The following TEX11 variants were observed in gnomAD, a reference collection of about 807,000 sequenced individuals.
TEX11 encodes the protein testis expressed 11, also known as testis-expressed protein 11.
A neutral mutation model predicts 84.4 loss-of-function variants in TEX11; 7 were observed. The observed-to-expected ratio is 0.08, with a 90% CI of 0.05 to 0.16. The LOEUF is 0.16. Among genes scored for constraint, TEX11 ranks in the 10% least tolerant of loss-of-function variants. The pLI is 1.00. For missense variants in TEX11, 551 were observed against 660.5 expected, an observed-to-expected ratio of 0.83 and a Z score of 1.82; for synonymous variants, 264 against 222.8, an observed-to-expected ratio of 1.18 and a Z score of -1.64.
At chrX:70,717,102 A>C (rs192268309) in intron 13 of TEX11, among the ~76,000 whole-genome samples, 28 of 110,952 alleles carry the variant, frequency 2.5e-4, no homozygotes. Flanking sequence ...ACTAGGATCT[A>C]ATAAGTATAT....
intron 17 of TEX11, among the ~76,000 whole-genome samples, chrX:70,635,352 C>G (rs1290796974): frequency 2.7e-5 from 3 of 112,262 alleles, no homozygotes; most frequent in Non-Finnish European, 5.6e-5. Flanking sequence ...TGGGCAGGCC[C>G]CCATGGCCCC....
At chrX:70,617,881 G>C (rs56118463) in intron 20 of TEX11, among the ~76,000 whole-genome samples, 13,492 of 111,463 alleles carry the variant, frequency 0.12, 670 homozygotes, top group Middle Eastern at 0.19. Flanking sequence ...TTTCCCCTAG[G>C]ACTGACTTTG....
chrX:70,800,929 A>G (rs758306419), intron 9 of TEX11, among the ~76,000 whole-genome samples: 2 of 111,266 alleles, frequency 1.8e-5, no homozygotes, highest in African/African-American at 6.5e-5. Flanking sequence ...CCCCCTTTCT[A>G]AGCAGCAAAT....
chrX:70,544,855 A>AAAC (rs1569317948), intron 28 of TEX11, among the ~76,000 whole-genome samples: 2 of 108,020 alleles, frequency 1.9e-5, no homozygotes, highest in Non-Finnish European at 1.9e-5. Flanking sequence ...AAAAAAAAAA[A>AAAC]AAACCCAAAA....
intron 17 of TEX11, among the ~76,000 whole-genome samples, chrX:70,645,894 AT>A (rs1461504358): frequency 9.0e-6 from 1 of 110,513 alleles, no homozygotes; most frequent in Non-Finnish European, 1.9e-5. Context: ...TTCCAGTGAC[AT>A]TTTTTCCCAG....
chrX:70,892,880 C>CAA (rs376618635), intron 2 of TEX11, among the ~76,000 whole-genome samples: 2 of 106,463 alleles, frequency 1.9e-5, no homozygotes, highest in African/African-American at 6.8e-5. Flanking sequence ...AAATGGAAAG[C>CAA]AAAAAAAAAG....
chrX:70,832,153 C>G (rs2091380517), intron 8 of TEX11, among the ~76,000 whole-genome samples: 1 of 111,346 alleles, frequency 9.0e-6, no homozygotes, highest in African/African-American at 3.3e-5. Context: ...GGTTTTCTGG[C>G]CTCAAATTCA....
chrX:70,521,052 T>G, the TEX11 span, among the ~76,000 whole-genome samples: 2 of 111,673 alleles, frequency 1.8e-5, no homozygotes, highest in African/African-American at 6.5e-5. Flanking sequence ...ACGGCTTCCC[T>G]TGGCTAGGAA....
At chrX:70,731,878 G>A (rs1317049832) in intron 11 of TEX11, among the ~76,000 whole-genome samples, 1 of 111,509 alleles carries the variant, frequency 9.0e-6, no homozygotes, top group African/African-American at 3.3e-5. Flanking sequence ...CAATATCCCT[G>A]ATGAACATTG....
At chrX:70,715,438 T>C (rs182785609) in intron 13 of TEX11, among the ~76,000 whole-genome samples, 6 of 112,120 alleles carry the variant, frequency 5.4e-5, no homozygotes, top group South Asian at 3.7e-4. Context: ...CAATCAGACG[T>C]AGATTTGGTC....
At chrX:70,801,625 TTTTCTTTCTTTCTTTC>T (rs200925505) in intron 9 of TEX11, among the ~76,000 whole-genome samples, 7,092 of 88,673 alleles carry the variant, frequency 0.08, 360 homozygotes, top group African/African-American at 0.16. Context: ...TTTTCTTTTA[TTTTCTTTCTTTCTTTC>T]TTTCTTTCTT....
intron 17 of TEX11, among the ~76,000 whole-genome samples, chrX:70,648,155 T>C (rs1213238968): frequency 9.0e-6 from 1 of 110,906 alleles, no homozygotes; most frequent in South Asian, 3.8e-4. Context: ...CAGCAAACTA[T>C]AGTAAGGACA....
intron 9 of TEX11, among the ~76,000 whole-genome samples, chrX:70,805,410 T>A (rs761889278): frequency 1.0e-4 from 11 of 108,620 alleles, no homozygotes; most frequent in African/African-American, 3.3e-4. Flanking sequence ...TTTTTTCTTT[T>A]TTTTTTTTTT....
chrX:70,644,273 C>T (rs1330224646), intron 17 of TEX11, among the ~76,000 whole-genome samples: 1 of 105,622 alleles, frequency 9.5e-6, no homozygotes, highest in Non-Finnish European at 2.0e-5. Flanking sequence ...CAGGAAACAA[C>T]AGGTGCTGGA....
chrX:70,712,052 T>C (rs1053246982), intron 13 of TEX11, among the ~76,000 whole-genome samples: 2 of 111,670 alleles, frequency 1.8e-5, no homozygotes, highest in Non-Finnish European at 3.8e-5. Flanking sequence ...TGGGAATCCT[T>C]TCCCCATTTC....
Position 70,907,760 on chromosome X carries a change from G to A in TEX11, c.30C>T (p.Asp10=), listed in dbSNP as rs1364145103. The A allele has an allele frequency of 2.0e-5, 24 of 1,185,422 alleles. No individual in the cohort carries two copies. Among genetic ancestry groups the A allele is most frequent in the Non-Finnish European group, 2.7e-5 (24 of 872,975 alleles). The change falls in exon 2 of 30, where the codon GAC becomes GAT. Residue 10 remains aspartate (D), a synonymous_variant. Transcript: ENST00000374333. The stretch of plus-strand genomic sequence containing the variant: ...CCACGTAGAGCTACGTACCTTTAAA[G>A]TCCATGGAAAAAAAATCATCATTGT... The part of the protein sequence containing the change: MDNDDFFSM[D]FKEVVENLVT...
chrX:70,550,639 T>C (rs2088200281), intron 28 of TEX11, among the ~76,000 whole-genome samples: 1 of 111,862 alleles, frequency 8.9e-6, no homozygotes, highest in Admixed American at 9.5e-5. Context: ...AACAGGCATA[T>C]GAAAAGGTAC....
chrX:70,826,248 T>C (rs546785779), intron 8 of TEX11, among the ~76,000 whole-genome samples: 1 of 108,397 alleles, frequency 9.2e-6, no homozygotes, highest in African/African-American at 3.4e-5. Flanking sequence ...GAGGCGAAGG[T>C]TGCAGTGAGC....
At chrX:70,777,417 G>A (rs1316304792) in intron 9 of TEX11, among the ~76,000 whole-genome samples, 2 of 111,341 alleles carry the variant, frequency 1.8e-5, no homozygotes, top group Admixed American at 1.9e-4. Context: ...GGGAGGCCGA[G>A]GCAGGCAGAT....
Sources: gnomAD v4.1 joint callset for allele counts (sites outside exome capture counted in the v4.1 genomes callset) on GRCh38, gnomAD v4.1.1 for gene constraint, MANE v1.5 for transcripts, NCBI Gene and HGNC (gene_info 2026-07-23, HGNC 2026-07-21) for gene names.